FRY: variants seen among roughly 807,000 people sequenced by gnomAD.
FRY encodes protein furry homolog.
FRY carries 128 observed loss-of-function variants against 348.4 expected under a neutral mutation model. The observed-to-expected ratio is 0.37, with a 90% confidence interval of 0.32 to 0.43. FRY has a LOEUF of 0.43. FRY is among the 20% of genes least tolerant of loss of function. The pLI is 1.00. For missense variants in FRY, 2,736 were observed against 3,695.2 expected, an observed-to-expected ratio of 0.74 and a Z score of 6.73; for synonymous variants, 1,370 against 1,374.7, an observed-to-expected ratio of 1.00 and a Z score of 0.08.
chr13:32,284,697 A>G (rs899013031), intron 58 of FRY, among the ~76,000 whole-genome samples: 11 of 152,230 alleles, frequency 7.2e-5, no homozygotes, highest in South Asian at 2.1e-4. Context: ...ACTATTCCCA[A>G]CTTTTAGGAG....
chr13:32,138,146 T>G (rs11418445), intron 11 of FRY, among the ~76,000 whole-genome samples: 17 of 138,026 alleles, frequency 1.2e-4, no homozygotes, highest in African/African-American at 2.6e-4. Flanking sequence ...TGTTTTTTTG[T>G]TTTTTTTTTG....
intron 11 of FRY, among the ~76,000 whole-genome samples, chr13:32,138,303 G>A (rs1268842422): frequency 1.3e-5 from 2 of 151,878 alleles, no homozygotes; most frequent in Admixed American, 6.6e-5. Context: ...AAACAGAGAG[G>A]GGAATTATTG....
chr13:32,045,482 T>C (rs1282891282), intron 1 of FRY, among the ~76,000 whole-genome samples: 1 of 152,222 alleles, frequency 6.6e-6, no homozygotes, highest in East Asian at 1.9e-4. Context: ...ACCTTTTTAC[T>C]CTTGTAATTG....
chr13:32,195,773 T>C (rs1266952454), intron 29 of FRY, among the ~76,000 whole-genome samples: 1 of 152,216 alleles, frequency 6.6e-6, no homozygotes, highest in African/African-American at 2.4e-5. Context: ...TTTTAAGGCA[T>C]CATTGTACAC....
At chr13:32,110,276 A>T (rs1352067573) in intron 3 of FRY, among the ~76,000 whole-genome samples, 5 of 152,098 alleles carry the variant, frequency 3.3e-5, no homozygotes, top group Non-Finnish European at 7.4e-5. Flanking sequence ...ATCTGTGGAG[A>T]GCATCTATGA....
chr13:32,209,195 G>C, intron 32 of FRY, 86 bp downstream of exon 32: 1 of 1,462,170 alleles, frequency 6.8e-7, no homozygotes, highest in Non-Finnish European at 9.6e-7. Context: ...GGGAAAATGG[G>C]ATTCCTTTAA....
intron 8 of FRY, among the ~76,000 whole-genome samples, 159 bp downstream of exon 8, chr13:32,131,999 G>T (rs1366651068): frequency 1.3e-5 from 2 of 152,142 alleles, no homozygotes; most frequent in Non-Finnish European, 2.9e-5. Context: ...AAATAGTACA[G>T]TTGCGGGCAC....
intron 3 of FRY, among the ~76,000 whole-genome samples, chr13:32,110,443 G>A (rs112068945): frequency 1.9e-3 from 291 of 152,158 alleles, no homozygotes; most frequent in African/African-American, 6.9e-3. Context: ...GATGAGCGTG[G>A]GCCTGGGTGG....
At chr13:32,052,213 A>T (rs534333487) in intron 1 of FRY, among the ~76,000 whole-genome samples, 2 of 152,358 alleles carry the variant, frequency 1.3e-5, no homozygotes, top group Admixed American at 6.5e-5. Flanking sequence ...ACCTGGCCTG[A>T]TACTTTTTGA....
chr13:32,270,346 T>C (rs1333104115), intron 55 of FRY, among the ~76,000 whole-genome samples: 1 of 152,050 alleles, frequency 6.6e-6, no homozygotes, highest in African/African-American at 2.4e-5. Context: ...TAGCTGGGAT[T>C]ATAGGCATGC....
intron 14 of FRY, among the ~76,000 whole-genome samples, chr13:32,153,862 TAAGTA>T (rs1880948085): frequency 6.6e-6 from 1 of 152,166 alleles, no homozygotes; most frequent in Non-Finnish European, 1.5e-5. Context: ...ATGGAAAAGT[TAAGTA>T]ATTTTCCAAG....
At chr13:32,130,845 C>T (rs1227728521) in intron 7 of FRY, among the ~76,000 whole-genome samples, 3 of 146,138 alleles carry the variant, frequency 2.1e-5, no homozygotes, top group Admixed American at 6.8e-5. Context: ...GACAGAGTTT[C>T]GCTGTTGTTG....
intron 11 of FRY, among the ~76,000 whole-genome samples, chr13:32,142,473 C>T (rs369792808): frequency 3.3e-5 from 5 of 152,316 alleles, no homozygotes; most frequent in African/African-American, 1.2e-4. Context: ...CTTATTAGAG[C>T]CTAAGTCAAT....
intron 11 of FRY, among the ~76,000 whole-genome samples, chr13:32,138,364 G>A (rs1406490988): frequency 6.6e-6 from 1 of 152,022 alleles, no homozygotes; most frequent in Non-Finnish European, 1.5e-5. Context: ...ATGTGTATGG[G>A]TTTTTGCTTG....
rs1381237138 is a variant in FRY, at chr13:32,294,379, G to GT, written c.8593dup (p.Ser2865PhefsTer6). ...TTTTTTTTAAATAGCTGCTGAATAT[G>GT]TCCAGGGAACTGAGTGACCTAAAGA... is the stretch of plus-strand genomic sequence containing the variant. On this transcript the variant is annotated frameshift_variant, in exon 60 of 61. Coordinates refer to ENST00000542859, the MANE Select transcript of FRY (RefSeq NM_023037.3). LOFTEE classifies it high-confidence loss of function. The GT allele has an allele frequency of 6.2e-7, 1 of 1,611,658 alleles. No individual in the cohort carries two copies. Among genetic ancestry groups the GT allele is most frequent in the Non-Finnish European group, 8.5e-7 (1 of 1,178,102 alleles).
At chr13:32,173,296 T>A in intron 18 of FRY, 71 bp from the exon 19 acceptor site, 1 of 1,207,626 alleles carries the variant, frequency 8.3e-7, no homozygotes, top group South Asian at 1.2e-5. Context: ...AAAAAATATG[T>A]AAAACATGAG....
chr13:32,287,025 C>T (rs1889106024), intron 58 of FRY, among the ~76,000 whole-genome samples: 2 of 151,398 alleles, frequency 1.3e-5, no homozygotes, highest in East Asian at 2.0e-4. Flanking sequence ...ATTAGCCAGG[C>T]GTGGTGGCAC....
rs2138221537 is a variant in FRY at position 32,173,547 on chromosome 13, G to A, written c.2332G>A (p.Glu778Lys). ...GTTGTTTATTGCCCTGGGGCAGCCT[G>A]AGGTATGGATTAGTCTTCTGAATTT... ...RALFIALGQP[E>K]DDDRPMIDVM... Residue 778 changes from glutamate (E) to lysine (K), a missense_variant and splice_region_variant, in exon 19 of 61, where the codon GAG becomes AAG. Coordinates refer to ENST00000542859, the MANE Select transcript of FRY (RefSeq NM_023037.3). 6.2e-7 allele frequency: 1 copy of A among 1,610,222 alleles called. No individual in the cohort carries two copies. Among genetic ancestry groups the A allele is most frequent in the Middle Eastern group, 1.8e-4 (1 of 5,696 alleles).
chr13:32,264,410 T>C (rs543772062), intron 53 of FRY, among the ~76,000 whole-genome samples: 2 of 152,070 alleles, frequency 1.3e-5, no homozygotes, highest in Non-Finnish European at 2.9e-5. Flanking sequence ...ATTTTATATA[T>C]ATATTTACAC....
Sources: allele counts gnomAD v4.1 joint callset (sites outside exome capture counted in the v4.1 genomes callset), GRCh38; gene constraint gnomAD v4.1.1; transcripts MANE v1.5; gene names NCBI Gene and HGNC (gene_info 2026-07-23, HGNC 2026-07-21).